The following ABHD17B variants were observed in gnomAD, a reference collection of about 807,000 sequenced individuals.
ABHD17B encodes the protein abhydrolase domain containing 17B, depalmitoylase, also known as alpha/beta hydrolase domain-containing protein 17B.
A neutral mutation model predicts 26.2 loss-of-function variants in ABHD17B; 9 were observed. The observed-to-expected ratio is 0.34, with a 90% confidence interval of 0.21 to 0.60. ABHD17B has a LOEUF of 0.60. ABHD17B is among the 20% of genes least tolerant of loss of function. The pLI, the probability that ABHD17B is intolerant of heterozygous loss-of-function variation, is 0.80. For missense variants in ABHD17B, 224 were observed against 352.1 expected, an observed-to-expected ratio of 0.64 and a Z score of 2.91; for synonymous variants, 127 against 122.3, an observed-to-expected ratio of 1.04 and a Z score of -0.25.
chr9:71,867,799 T>C (rs934513591), intron 3 of ABHD17B, among the ~76,000 whole-genome samples: 2 of 152,130 alleles, frequency 1.3e-5, no homozygotes, highest in Non-Finnish European at 2.9e-5. Flanking sequence ...AGAGGTATCA[T>C]AGAGACAATG....
chr9:71,902,579 AT>A (rs1827176497), intron 1 of ABHD17B: 1 of 152,210 alleles, frequency 6.6e-6, no homozygotes, highest in African/African-American at 2.4e-5. Flanking sequence ...AAAAGTGACA[AT>A]GAGGTCTGTT....
At chr9:71,908,302 G>A (rs112516896) in intron 1 of ABHD17B, among the ~76,000 whole-genome samples, 11 of 147,260 alleles carry the variant, frequency 7.5e-5, no homozygotes, top group African/African-American at 2.5e-4. Flanking sequence ...TGAGGCAGAA[G>A]AATCACTTGA....
chr9:71,896,772 GAATT>G lies in ABHD17B; in HGVS notation c.-4+13858_-4+13861del, dbSNP rs938719573. 3.9e-5 allele frequency among the ~76,000 whole-genome samples: 6 copies of G among 151,958 alleles called. No individual in the cohort carries two copies. The East Asian group carries it at 5.8e-4, about 15-fold the overall frequency. On this transcript the variant is annotated intron_variant, in intron 1 of 3. Transcript: ENST00000333421. Reference sequence around the variant, plus strand: ...CTCACCTTTTCAAAGGCAAATGACAGAATTAAAAGGGAAAATGGGATAAATGGAC... The same window carrying G: ...CTCACCTTTTCAAAGGCAAATGACAGAAAAGGGAAAATGGGATAAATGGAC...
In ABHD17B at chr9:71,865,366, ATTTTAT is replaced by A. The variant is rs1825927891; in HGVS notation, c.*1415_*1420del. On this transcript the variant is annotated 3_prime_UTR_variant, in exon 4 of 4. Transcript: ENST00000333421. Reference sequence around the variant, plus strand: ...TTACAAATTAGACTACATACCATTAATTTTATTTTTATTTTTCATTGTTTTATTCAG... The same window carrying A: ...TTACAAATTAGACTACATACCATTAATTTTATTTTTCATTGTTTTATTCAG... 3.1e-6 allele frequency: 3 copies of A among 982,922 alleles called. No homozygotes were observed. The highest frequency in any genetic ancestry group is 9.4e-5 in the South Asian group (2 of 21,230). 60.9% of individuals were successfully genotyped at this position (982,922 alleles called of 1,614,324 possible). A position where few individuals can be genotyped will look rare whatever the true frequency, so the allele number is the denominator to read the frequency against.
In ABHD17B at chr9:71,866,697, T is replaced by C. The variant is rs938422769; in HGVS notation, c.*90A>G. 44 of 1,528,614 alleles carry C rather than the reference T, an allele frequency of 2.9e-5. No homozygotes were observed. Among genetic ancestry groups the C allele is most frequent in the African/African-American group, 5.6e-5 (4 of 71,826 alleles). 94.7% of individuals were successfully genotyped at this position (1,528,614 alleles called of 1,614,324 possible). ...CATTTATGAAGGCAACTGACATGAT[T>C]TGCAAACAAAACCTTCAGGTTTTAT... On this transcript the variant is annotated 3_prime_UTR_variant, in exon 4 of 4. Coordinates refer to ENST00000333421, the MANE Select transcript of ABHD17B (RefSeq NM_001025780.3).
At chr9:71,882,942 A>G (rs2132159902) in intron 1 of ABHD17B, among the ~76,000 whole-genome samples, 2 of 152,192 alleles carry the variant, frequency 1.3e-5, no homozygotes, top group South Asian at 4.1e-4. Flanking sequence ...TCAGGAGTTC[A>G]AGACCAGCAT....
At chr9:71,895,868 A>G (rs1365943543) in intron 1 of ABHD17B, among the ~76,000 whole-genome samples, 2 of 152,188 alleles carry the variant, frequency 1.3e-5, no homozygotes, top group African/African-American at 4.8e-5. Context: ...CAACAGGACT[A>G]TTTAGAGCTG....
intron 1 of ABHD17B, among the ~76,000 whole-genome samples, chr9:71,895,335 GA>G (rs1826923382): frequency 6.6e-6 from 1 of 152,182 alleles, no homozygotes; most frequent in Non-Finnish European, 1.5e-5. Context: ...CAGTCATCAG[GA>G]AGTGTTCTTA....
intron 1 of ABHD17B, among the ~76,000 whole-genome samples, chr9:71,892,266 C>T (rs1173687321): frequency 6.6e-6 from 1 of 152,036 alleles, no homozygotes. Context: ...GGCGCAGTGA[C>T]TCACACCTGT....
intron 1 of ABHD17B, among the ~76,000 whole-genome samples, chr9:71,878,378 CA>C (rs1370648427): frequency 6.6e-6 from 1 of 152,002 alleles, no homozygotes; most frequent in Non-Finnish European, 1.5e-5. Context: ...TATCACTATC[CA>C]TACTATAGAA....
chr9:71,878,137 A>T (rs573959243), intron 1 of ABHD17B, among the ~76,000 whole-genome samples: 3 of 138,028 alleles, frequency 2.2e-5, no homozygotes, highest in South Asian at 2.2e-4. Context: ...TTTATTCTGT[A>T]AAAAAAAAAA....
At chr9:71,869,340 G>A (rs6560238) in intron 3 of ABHD17B, among the ~76,000 whole-genome samples, 143,949 of 152,240 alleles carry the variant, frequency 0.95, 68,501 homozygotes, top group East Asian at 1. Context: ...TTGGCCCATC[G>A]GCCATTCACA....
At chr9:71,901,023 G>C (rs1026694409) in intron 1 of ABHD17B, among the ~76,000 whole-genome samples, 7 of 152,018 alleles carry the variant, frequency 4.6e-5, no homozygotes, top group Non-Finnish European at 8.8e-5. Flanking sequence ...ATGGTAGCGG[G>C]CGCCTGTAGT....
At chr9:71,879,903 A>G (rs1418770869) in intron 1 of ABHD17B, among the ~76,000 whole-genome samples, 2 of 152,238 alleles carry the variant, frequency 1.3e-5, no homozygotes, top group Non-Finnish European at 2.9e-5. Flanking sequence ...GAACTGATAC[A>G]TGACAGAATG....
chr9:71,882,372 T>C (rs891801653), intron 1 of ABHD17B, among the ~76,000 whole-genome samples: 1 of 152,148 alleles, frequency 6.6e-6, no homozygotes, highest in African/African-American at 2.4e-5. Context: ...AAACAAAATG[T>C]AGGCTGGGCG....
At chr9:71,876,145 T>C (rs1030987183) in intron 1 of ABHD17B, among the ~76,000 whole-genome samples, 8 of 152,192 alleles carry the variant, frequency 5.3e-5, no homozygotes. Flanking sequence ...ATAAAGTTTA[T>C]TGTGGAAAAA....
rs1474846447 is a variant in ABHD17B, at chr9:71,866,579, T to C, written c.*208A>G. 6.6e-6 allele frequency: 9 copies of C among 1,369,848 alleles called. No homozygotes were observed. Among genetic ancestry groups the C allele is most frequent in the Non-Finnish European group, 8.5e-6 (9 of 1,064,148 alleles). 84.9% of individuals were successfully genotyped at this position (1,369,848 alleles called of 1,614,324 possible). Reference sequence around the variant, plus strand: ...AAAAAATTCACAGAAAAAATATAAATTACACAGCCTGACTGCACGGTACTG... The same window carrying C: ...AAAAAATTCACAGAAAAAATATAAACTACACAGCCTGACTGCACGGTACTG... On this transcript the variant is annotated 3_prime_UTR_variant, in exon 4 of 4. Transcript: ENST00000333421.
At position 71,866,138 on chromosome 9, in the gene ABHD17B, T is replaced by G. The variant is rs1339478612; in HGVS notation, c.*649A>C. ...AGTTAAAATTCAGTGCTATCATGAC[T>G]TCTCATTTACAAGGTAACTCATTGG... On this transcript the variant is annotated 3_prime_UTR_variant, in exon 4 of 4. Transcript: ENST00000333421. 3 of 985,136 alleles carry G rather than the reference T, an allele frequency of 3.0e-6. No individual in the cohort carries two copies. The highest frequency in any genetic ancestry group is 3.6e-6 in the Non-Finnish European group (3 of 829,410). 61.0% of individuals were successfully genotyped at this position (985,136 alleles called of 1,614,324 possible). A position where few individuals can be genotyped will look rare whatever the true frequency, so the allele number is the denominator to read the frequency against.
At chr9:71,874,462 T>A in intron 2 of ABHD17B, 152 bp downstream of exon 2, 1 of 577,818 alleles carries the variant, frequency 1.7e-6, no homozygotes, top group South Asian at 4.2e-5. Context: ...TTAAAATTGC[T>A]GTCTAAAATA....
Sources: allele counts gnomAD v4.1 joint callset (sites outside exome capture counted in the v4.1 genomes callset), GRCh38; gene constraint gnomAD v4.1.1; transcripts MANE v1.5; gene names NCBI Gene and HGNC (gene_info 2026-07-23, HGNC 2026-07-21).